AKAP19: variants seen among roughly 807,000 people sequenced by gnomAD.
AKAP19 encodes the protein A-kinase anchoring protein 19.
At chr2:190,019,898 C>G in the AKAP19 span, among the ~76,000 whole-genome samples, 1 of 152,042 alleles carries the variant, frequency 6.6e-6, no homozygotes, top group Non-Finnish European at 1.5e-5. Flanking sequence ...CAGGTTTATT[C>G]CCAAGTTTTG....
At chr2:189,945,045 G>A in the AKAP19 span, among the ~76,000 whole-genome samples, 2 of 152,062 alleles carry the variant, frequency 1.3e-5, no homozygotes, top group Non-Finnish European at 2.9e-5. Context: ...TGAAATAAAT[G>A]AAAATGGAAA....
At chr2:190,146,449 C>G in the AKAP19 span, among the ~76,000 whole-genome samples, 3 of 152,118 alleles carry the variant, frequency 2.0e-5, no homozygotes, top group African/African-American at 7.2e-5. Context: ...GTGAATTGTG[C>G]CGCTATAAAC....
the AKAP19 span, among the ~76,000 whole-genome samples, chr2:189,974,038 T>A: frequency 1.3e-5 from 2 of 152,104 alleles, no homozygotes; most frequent in Admixed American, 1.3e-4. Context: ...AATTTGTTTC[T>A]TCTTGCTTCT....
the AKAP19 span, among the ~76,000 whole-genome samples, chr2:190,125,185 C>G: frequency 6.6e-6 from 1 of 152,174 alleles, no homozygotes; most frequent in African/African-American, 2.4e-5. Context: ...TACACCAGCA[C>G]CACCACAATC....
chr2:190,186,826 T>C, the AKAP19 span, among the ~76,000 whole-genome samples: 1 of 152,186 alleles, frequency 6.6e-6, no homozygotes, highest in Non-Finnish European at 1.5e-5. The surrounding 1 kb of genome is among the most constrained non-coding windows in gnomAD (Gnocchi z 5.5). Context: ...GAGATATATG[T>C]ATTTTTTATA....
At chr2:189,900,428 T>C in the AKAP19 span, among the ~76,000 whole-genome samples, 1 of 152,178 alleles carries the variant, frequency 6.6e-6, no homozygotes, top group East Asian at 1.9e-4. Flanking sequence ...GTGGAGATTT[T>C]CTTGCACCTT....
the AKAP19 span, among the ~76,000 whole-genome samples, chr2:190,118,794 T>G: frequency 6.6e-6 from 1 of 152,208 alleles, no homozygotes; most frequent in Admixed American, 6.5e-5. Context: ...AGCATTCCCT[T>G]TGAAAACAGG....
chr2:190,114,258 A>G, the AKAP19 span, among the ~76,000 whole-genome samples: 3 of 152,216 alleles, frequency 2.0e-5, no homozygotes, highest in Admixed American at 2.0e-4. Context: ...TTTCTCATTT[A>G]GACAATAAGA....
the AKAP19 span, among the ~76,000 whole-genome samples, chr2:190,038,085 G>T: frequency 6.6e-6 from 1 of 152,068 alleles, no homozygotes; most frequent in Non-Finnish European, 1.5e-5. Flanking sequence ...TAATTTTAAG[G>T]GCAGTATATT....
At chr2:189,999,535 T>C in the AKAP19 span, among the ~76,000 whole-genome samples, 1 of 152,236 alleles carries the variant, frequency 6.6e-6, no homozygotes, top group South Asian at 2.1e-4. Flanking sequence ...TGTAGATTTG[T>C]ATTATAGTCT....
At chr2:189,887,959 A>T in the AKAP19 span, among the ~76,000 whole-genome samples, 4 of 152,184 alleles carry the variant, frequency 2.6e-5, no homozygotes, top group South Asian at 8.3e-4. Context: ...TCTTTAGTTT[A>T]ATTAGATCCA....
the AKAP19 span, among the ~76,000 whole-genome samples, chr2:190,007,890 A>T: frequency 6.6e-6 from 1 of 152,196 alleles, no homozygotes; most frequent in Non-Finnish European, 1.5e-5. Flanking sequence ...TGAACCCAGG[A>T]GGCAGAGGTT....
the AKAP19 span, among the ~76,000 whole-genome samples, chr2:189,939,140 A>C: frequency 3.9e-5 from 6 of 152,206 alleles, no homozygotes; most frequent in South Asian, 2.1e-4. Context: ...AGGTGGGACT[A>C]TCATCCCCAG....
the AKAP19 span, chr2:190,180,355 C>A: frequency 6.5e-6 from 4 of 619,848 alleles, no homozygotes; most frequent in Non-Finnish European, 6.0e-6. The surrounding 1 kb of genome is among the most constrained non-coding windows in gnomAD (Gnocchi z 6.8). Context: ...TGTCCCAAGG[C>A]AGGCCCCGCG....
the AKAP19 span, among the ~76,000 whole-genome samples, chr2:189,926,311 T>C: frequency 1.3e-5 from 2 of 152,218 alleles, no homozygotes; most frequent in Admixed American, 6.5e-5. Flanking sequence ...TTTTGTTTTT[T>C]TGAGACGGAG....
the AKAP19 span, among the ~76,000 whole-genome samples, chr2:190,094,395 G>C: frequency 6.6e-6 from 1 of 152,120 alleles, no homozygotes; most frequent in African/African-American, 2.4e-5. Context: ...TAAGAAAACT[G>C]AGCTTCTGAA....
chr2:190,120,599 A>C, the AKAP19 span, among the ~76,000 whole-genome samples: 12 of 152,220 alleles, frequency 7.9e-5, no homozygotes, highest in Non-Finnish European at 1.6e-4. Flanking sequence ...TTTTGAAGAA[A>C]TAACTCACTT....
chr2:190,176,382 C>T, the AKAP19 span, among the ~76,000 whole-genome samples: 1 of 152,158 alleles, frequency 6.6e-6, no homozygotes, highest in African/African-American at 2.4e-5. This position sits in a 1 kb window ranked among gnomAD's most constrained non-coding sequence, Gnocchi z 4.7. Flanking sequence ...GAGTCTCGCA[C>T]TGTCACCCGG....
At chr2:189,942,114 C>A in the AKAP19 span, among the ~76,000 whole-genome samples, 1 of 152,146 alleles carries the variant, frequency 6.6e-6, no homozygotes, top group South Asian at 2.1e-4. Context: ...TGACTCTGCC[C>A]AAATCTCATG....
Sources: gnomAD v4.1 joint callset for allele counts (sites outside exome capture counted in the v4.1 genomes callset) on GRCh38, gnomAD v4.1.1 for gene constraint, Gnocchi (gnomAD v3.1) non-coding constraint, MANE v1.5 for transcripts, NCBI Gene and HGNC (gene_info 2026-07-23, HGNC 2026-07-21) for gene names.